DENND2A: variants seen among roughly 807,000 people sequenced by gnomAD.
DENND2A encodes DENN domain containing 2A.
Under a neutral mutation model 105.3 loss-of-function variants are expected in DENND2A, and 53 were observed. The ratio of observed to expected loss-of-function variants is 0.50; its 90% CI spans 0.40 to 0.63. The LOEUF is 0.63. Among genes scored for constraint, DENND2A ranks in the 30% least tolerant of loss-of-function variants. The pLI is 0.00. For missense variants in DENND2A, 1,138 were observed against 1,279.6 expected (o/e 0.89, Z 1.69); for synonymous variants, 522 against 508.4 (o/e 1.03, Z -0.36).
intron 11 of DENND2A, among the ~76,000 whole-genome samples, chr7:140,557,276 A>T (rs1432541059): frequency 1.3e-5 from 2 of 151,154 alleles, no homozygotes; most frequent in South Asian, 2.1e-4. Flanking sequence ...GTGGTGGTAC[A>T]TGCCTGTGGT....
intron 1 of DENND2A, among the ~76,000 whole-genome samples, chr7:140,639,973 A>G (rs1217864925): frequency 6.6e-6 from 1 of 152,244 alleles, no homozygotes; most frequent in Non-Finnish European, 1.5e-5. Context: ...CCTTGGGGAC[A>G]AAGTGGAAGA....
intron 9 of DENND2A, among the ~76,000 whole-genome samples, chr7:140,562,834 T>G (rs1797686577): frequency 6.6e-6 from 1 of 152,204 alleles, no homozygotes; most frequent in South Asian, 2.1e-4. Context: ...CTTTAGTTGT[T>G]CTTCTTCAGA....
At chr7:140,597,855 C>T (rs1799343511) in intron 3 of DENND2A, among the ~76,000 whole-genome samples, 2 of 152,074 alleles carry the variant, frequency 1.3e-5, no homozygotes, top group Admixed American at 6.6e-5. Flanking sequence ...CTCGGGGACC[C>T]GGGCTTTGGC....
intron 12 of DENND2A, among the ~76,000 whole-genome samples, chr7:140,552,769 G>A (rs368252974): frequency 2.0e-5 from 3 of 151,934 alleles, no homozygotes; most frequent in East Asian, 1.9e-4. Flanking sequence ...GCAGTGATAC[G>A]ATCACAGCTC....
intron 2 of DENND2A, among the ~76,000 whole-genome samples, chr7:140,603,692 A>C (rs1585738571): frequency 6.6e-6 from 1 of 152,244 alleles, no homozygotes; most frequent in Non-Finnish European, 1.5e-5. Flanking sequence ...AGGCAGATTC[A>C]GATTTCACAC....
intron 12 of DENND2A, among the ~76,000 whole-genome samples, chr7:140,555,197 G>A (rs979418036): frequency 6.7e-6 from 1 of 149,570 alleles, no homozygotes; most frequent in African/African-American, 2.5e-5. Context: ...GCAATGGCAC[G>A]ATCTCGGCTC....
rs187944485 is a variant in DENND2A, at chr7:140,618,105, G to A, written c.-247-12299C>T. On this transcript the variant is annotated intron_variant, in intron 1 of 19. Transcript: ENST00000496613. ...ACAGTGTGTAGAAAGACTCAGTGGCGTCAGTCCTCCAGAGTTAATGCTCAA... is the reference window on the plus strand; with the variant it reads ...ACAGTGTGTAGAAAGACTCAGTGGCATCAGTCCTCCAGAGTTAATGCTCAA... Among the ~76,000 whole-genome samples, 29 of 152,244 alleles carry A rather than the reference G, an allele frequency of 1.9e-4. No individual in the cohort carries two copies. In the East Asian group the frequency reaches 3.5e-3, roughly 18 times the overall value.
At chr7:140,589,294 C>G (rs1337080534) in intron 3 of DENND2A, among the ~76,000 whole-genome samples, 1 of 152,184 alleles carries the variant, frequency 6.6e-6, no homozygotes, top group Non-Finnish European at 1.5e-5. Flanking sequence ...GGAACCTGAA[C>G]TAATTTTCCA....
At chr7:140,627,675 C>A (rs1405278749) in intron 1 of DENND2A, among the ~76,000 whole-genome samples, 1 of 152,028 alleles carries the variant, frequency 6.6e-6, no homozygotes, top group East Asian at 1.9e-4. Flanking sequence ...GCGTGCACTG[C>A]AACAACTGGC....
At chr7:140,520,042 G>A (rs1275590557) in intron 18 of DENND2A, among the ~76,000 whole-genome samples, 3 of 152,108 alleles carry the variant, frequency 2.0e-5, no homozygotes, top group Non-Finnish European at 2.9e-5. Context: ...GGTGGTTCAC[G>A]CCTGTAATCC....
intron 5 of DENND2A, among the ~76,000 whole-genome samples, chr7:140,583,912 C>T (rs1329711080): frequency 3.2e-5 from 4 of 124,140 alleles, no homozygotes; most frequent in Admixed American, 1.8e-4. Flanking sequence ...GGCGACAGAG[C>T]AAGACTCCGT....
chr7:140,567,368 A>G, intron 8 of DENND2A, 95 bp from the exon 9 acceptor site: 1 of 1,128,370 alleles, frequency 8.9e-7, no homozygotes. Context: ...AGAGCCTGAA[A>G]TGACCATGAG....
intron 14 of DENND2A, among the ~76,000 whole-genome samples, chr7:140,539,256 G>A (rs376303585): frequency 1.3e-5 from 2 of 152,170 alleles, no homozygotes; most frequent in African/African-American, 2.4e-5. Flanking sequence ...CAGACAGATC[G>A]AGGTGGATAC....
intron 14 of DENND2A, among the ~76,000 whole-genome samples, chr7:140,529,523 T>C (rs749105168): frequency 4.2e-4 from 64 of 152,214 alleles, no homozygotes; most frequent in Non-Finnish European, 7.8e-4. Context: ...CTATTCACAA[T>C]AACAAAGACT....
rs1179882500 is a variant in DENND2A at position 140,640,262 on chromosome 7, G to T, written c.-248+242C>A. 1 of 152,372 alleles carries T rather than the reference G, an allele frequency of 6.6e-6. No homozygotes were observed. The highest frequency in any genetic ancestry group is 6.5e-5 in the Admixed American group (1 of 15,294). 9.4% of individuals were successfully genotyped at this position (152,372 alleles called of 1,614,324 possible). A position where few individuals can be genotyped will look rare whatever the true frequency, so the allele number is the denominator to read the frequency against. On this transcript the variant is annotated intron_variant, in intron 1 of 19. Coordinates refer to ENST00000496613, the MANE Select transcript of DENND2A (RefSeq NM_015689.5). The surrounding 1 kb of genome is among the most constrained non-coding windows in gnomAD (Gnocchi z 4.9). ...TACCGGCTTTCTGCAGGTCCCCGAG[G>T]CGCGAGACGGCGGCGTCCGGGCTCA...
At chr7:140,594,900 G>C (rs1686483439) in intron 3 of DENND2A, among the ~76,000 whole-genome samples, 1 of 152,008 alleles carries the variant, frequency 6.6e-6, no homozygotes, top group Non-Finnish European at 1.5e-5. Flanking sequence ...ATTTTTAGTA[G>C]AGATGGGGTT....
chr7:140,610,198 T>C (rs536203841), intron 1 of DENND2A, among the ~76,000 whole-genome samples: 17 of 151,614 alleles, frequency 1.1e-4, no homozygotes, highest in African/African-American at 4.1e-4. Context: ...CTTGAACTCC[T>C]GAGCTCAAGC....
At chr7:140,556,459 C>T (rs1233807474) in intron 11 of DENND2A, among the ~76,000 whole-genome samples, 4 of 151,888 alleles carry the variant, frequency 2.6e-5, no homozygotes, top group Non-Finnish European at 5.9e-5. Context: ...GTGACTCAGC[C>T]TCCCGAATAG....
chr7:140,567,657 T>A (rs1432551028), intron 8 of DENND2A, among the ~76,000 whole-genome samples: 1 of 152,078 alleles, frequency 6.6e-6, no homozygotes, highest in Non-Finnish European at 1.5e-5. Flanking sequence ...GGACAGTGAC[T>A]CCTCCCCTCA....
Sources: allele counts gnomAD v4.1 joint callset (sites outside exome capture counted in the v4.1 genomes callset), GRCh38; gene constraint gnomAD v4.1.1; non-coding constraint Gnocchi (gnomAD v3.1); transcripts MANE v1.5; gene names NCBI Gene and HGNC (gene_info 2026-07-23, HGNC 2026-07-21).